The following BLTP1 variants were observed in gnomAD, a reference collection of about 807,000 sequenced individuals.
BLTP1 encodes bridge-like lipid transfer protein family member 1.
the BLTP1 span, chr4:122,309,562 T>G: frequency 5.0e-6 from 6 of 1,194,956 alleles, no homozygotes; most frequent in Non-Finnish European, 5.8e-6. Flanking sequence ...ATAGCAAATG[T>G]TTTTAGACTT....
At chr4:122,276,790 G>GT in the BLTP1 span, 1 of 970,732 alleles carries the variant, frequency 1.0e-6, no homozygotes, top group Non-Finnish European at 1.2e-6. Flanking sequence ...AGAAAAAAGT[G>GT]TATTTCTCTA....
chr4:122,244,201 T>C, the BLTP1 span: 13 of 368,718 alleles, frequency 3.5e-5, no homozygotes, highest in South Asian at 5.6e-4. Flanking sequence ...AATGAAAATA[T>C]GCTTAAAGAG....
chr4:122,282,745 C>T, the BLTP1 span, among the ~76,000 whole-genome samples: 5 of 152,230 alleles, frequency 3.3e-5, no homozygotes, highest in South Asian at 8.3e-4. Flanking sequence ...TATGTATATA[C>T]TCATAAATGA....
At chr4:122,189,128 C>A in the BLTP1 span, 1 of 906,744 alleles carries the variant, frequency 1.1e-6, no homozygotes, top group African/African-American at 1.8e-5. Context: ...AAGTGTCTTG[C>A]TATTAATAAT....
the BLTP1 span, among the ~76,000 whole-genome samples, chr4:122,278,295 C>A: frequency 1.3e-5 from 2 of 152,164 alleles, no homozygotes; most frequent in East Asian, 3.8e-4. Context: ...ACAATGCAGT[C>A]TTTTTCACAT....
the BLTP1 span, chr4:122,172,963 T>A: frequency 1.6e-5 from 25 of 1,582,028 alleles, no homozygotes; most frequent in Non-Finnish European, 2.1e-5. Flanking sequence ...AAATTCCAAG[T>A]ATTAAATTGT....
chr4:122,309,399 A>C, the BLTP1 span: 1 of 1,613,522 alleles, frequency 6.2e-7, no homozygotes, highest in Non-Finnish European at 8.5e-7. Context: ...CGTTTTGCTG[A>C]TGGATTTGAG....
At chr4:122,229,342 A>G in the BLTP1 span, 2 of 891,594 alleles carry the variant, frequency 2.2e-6, no homozygotes, top group Non-Finnish European at 3.2e-6. Flanking sequence ...CATCTCACAG[A>G]CAGCCACAAA....
the BLTP1 span, chr4:122,261,309 G>A: frequency 2.0e-6 from 2 of 985,122 alleles, no homozygotes; most frequent in Non-Finnish European, 1.2e-6. Context: ...ATCATATTTA[G>A]GTGTTTTCCT....
chr4:122,237,336 CTG>C, the BLTP1 span: 8 of 985,352 alleles, frequency 8.1e-6, no homozygotes, highest in South Asian at 9.4e-5. Flanking sequence ...CTTTATGAAA[CTG>C]TGAAACAGTG....
chr4:122,280,257 T>A, the BLTP1 span: 1 of 900,580 alleles, frequency 1.1e-6, no homozygotes, highest in Non-Finnish European at 1.3e-6. Context: ...TAAGAGGTAC[T>A]AATAAAAAGC....
At chr4:122,301,458 T>C in the BLTP1 span, 2 of 939,748 alleles carry the variant, frequency 2.1e-6, no homozygotes, top group East Asian at 5.7e-5. Context: ...ATATGCTTGT[T>C]ATAGAAAATT....
chr4:122,335,261 T>C, the BLTP1 span, among the ~76,000 whole-genome samples: 10 of 152,024 alleles, frequency 6.6e-5, no homozygotes, highest in Non-Finnish European at 2.9e-5. Flanking sequence ...CATTATCTCT[T>C]ATGGCTTAGC....
the BLTP1 span, chr4:122,349,175 T>G: frequency 6.2e-7 from 1 of 1,610,512 alleles, no homozygotes; most frequent in Non-Finnish European, 8.5e-7. The surrounding 1 kb of genome is among the most constrained non-coding windows in gnomAD (Gnocchi z 4.5). Context: ...ACTAGTGGTT[T>G]GAAGAGCCAG....
At chr4:122,241,541 G>A in the BLTP1 span, among the ~76,000 whole-genome samples, 7 of 152,158 alleles carry the variant, frequency 4.6e-5, no homozygotes, top group African/African-American at 2.4e-5. Flanking sequence ...TGCAAGAAAC[G>A]ACCAGGGCTT....
chr4:122,353,398 G>A, the BLTP1 span: 1 of 255,314 alleles, frequency 3.9e-6, no homozygotes, highest in Non-Finnish European at 6.2e-6. The surrounding 1 kb of genome is among the most constrained non-coding windows in gnomAD (Gnocchi z 4.3). Context: ...ATAAGTCATG[G>A]TAATAGTTAC....
chr4:122,308,324 G>A, the BLTP1 span, among the ~76,000 whole-genome samples: 4 of 152,018 alleles, frequency 2.6e-5, no homozygotes, highest in Admixed American at 2.0e-4. Context: ...TCATCTCAAT[G>A]TATTAAATCT....
At chr4:122,231,981 T>A in the BLTP1 span, 1 of 845,992 alleles carries the variant, frequency 1.2e-6, no homozygotes, top group Non-Finnish European at 1.4e-6. Flanking sequence ...TGGATTTCTT[T>A]GTTATATGTT....
the BLTP1 span, among the ~76,000 whole-genome samples, chr4:122,317,334 A>G: frequency 2.9e-5 from 4 of 137,178 alleles, no homozygotes; most frequent in Non-Finnish European, 6.1e-5. Context: ...TCCATCTCCA[A>G]AAAAAAAAAA....
Sources: allele counts gnomAD v4.1 joint callset (sites outside exome capture counted in the v4.1 genomes callset), GRCh38; gene constraint gnomAD v4.1.1; non-coding constraint Gnocchi (gnomAD v3.1); transcripts MANE v1.5; gene names NCBI Gene and HGNC (gene_info 2026-07-23, HGNC 2026-07-21).